The following LUC7L variants were observed in gnomAD, a reference collection of about 807,000 sequenced individuals.
LUC7L encodes the protein LUC7 like, also known as putative RNA-binding protein Luc7-like 1.
LUC7L carries 29 observed loss-of-function variants against 51.1 expected under a neutral mutation model. The observed-to-expected ratio is 0.57, with a 90% CI of 0.42 to 0.77. The LOEUF is 0.77. Ranked by LOEUF, LUC7L falls within the 30% of genes least tolerant of loss-of-function variation. LUC7L has a pLI of 0.00. For synonymous variants in LUC7L, 181 were observed against 180.7 expected, an observed-to-expected ratio of 1.00 and a Z score of -0.01; for missense variants, 403 against 511.9, an observed-to-expected ratio of 0.79 and a Z score of 2.05.
chr16:215,751 C>T (rs937498900), intron 3 of LUC7L, among the ~76,000 whole-genome samples: 1 of 151,936 alleles, frequency 6.6e-6, no homozygotes, highest in East Asian at 1.9e-4. Flanking sequence ...GGCAGTGAGC[C>T]GAGATCATGC....
chr16:206,890 T>TAAAAAAA (rs67775388), intron 4 of LUC7L, among the ~76,000 whole-genome samples: 3 of 99,568 alleles, frequency 3.0e-5, no homozygotes, highest in Non-Finnish European at 3.8e-5. Context: ...CCATCTTTAT[T>TAAAAAAA]AAAAAAAAAA....
Position 221,230 on chromosome 16 carries a change from G to C in LUC7L, c.157-483C>G, listed in dbSNP as rs113530871. ...TTTTTTTTTTTTGTATTTTCAGTAG[G>C]GACAGGGTTTCGCCACGTTGGCCAG... On this transcript the variant is annotated intron_variant, in intron 2 of 9. Transcript: ENST00000293872. Among the ~76,000 whole-genome samples the C allele has an allele frequency of 1.1e-3, 145 of 133,188 alleles. 1 individual carries two copies. The highest frequency in any genetic ancestry group is 3.7e-3 in the African/African-American group (138 of 36,810). 87.4% of individuals were successfully genotyped at this position (133,188 alleles called of 152,430 possible). A position where few individuals can be genotyped will look rare whatever the true frequency, so the allele number is the denominator to read the frequency against.
At chr16:196,550 CAA>C (rs1249319375) in intron 6 of LUC7L, among the ~76,000 whole-genome samples, 1 of 151,866 alleles carries the variant, frequency 6.6e-6, no homozygotes, top group Non-Finnish European at 1.5e-5. Flanking sequence ...TTCTTTAAGA[CAA>C]AGTCTCACTC....
chr16:201,710 A>AT (rs1210908398), intron 5 of LUC7L, among the ~76,000 whole-genome samples: 1 of 135,844 alleles, frequency 7.4e-6, no homozygotes, highest in Non-Finnish European at 1.6e-5. Flanking sequence ...AAGTGATGGG[A>AT]TTACAGGCGT....
Position 229,356 on chromosome 16 carries a change from G to A in LUC7L, c.-17C>T, listed in dbSNP as rs192508401. ...GGCGGACATGGTAGCCGGCGGAGGC[G>A]ACGGGGTCGGCCGCGACGACTTCTC... On this transcript the variant is annotated 5_prime_UTR_variant, in exon 1 of 10. Transcript: ENST00000293872. The A allele has an allele frequency of 1.3e-3, 1,927 of 1,493,410 alleles. 29 individuals carry two copies. The African/African-American group carries it at 0.025, about 19-fold the overall frequency. The allele number at this position is 1,493,410 out of a possible 1,614,324, so 92.5% of individuals were successfully genotyped here.
chr16:205,629 G>A (rs527417694), intron 5 of LUC7L, among the ~76,000 whole-genome samples: 9 of 152,160 alleles, frequency 5.9e-5, no homozygotes, highest in Admixed American at 3.9e-4. Flanking sequence ...TCGCTCTGTC[G>A]CCCAGGCTGG....
chr16:227,169 C>A, intron 2 of LUC7L, 73 bp downstream of exon 2: 1 of 1,252,700 alleles, frequency 8.0e-7, no homozygotes, highest in Non-Finnish European at 1.1e-6. Context: ...CAAAATTCAA[C>A]ATAGAAAAAC....
intron 6 of LUC7L, among the ~76,000 whole-genome samples, chr16:196,565 T>C (rs1049601456): frequency 6.6e-6 from 1 of 152,148 alleles, no homozygotes; most frequent in Admixed American, 6.6e-5. Flanking sequence ...TCTCACTCTG[T>C]TGCCCAGGCT....
At chr16:190,165 A>G (rs766366226) in intron 8 of LUC7L, 30 bp from the exon 9 acceptor site, 1 of 1,587,048 alleles carries the variant, frequency 6.3e-7, no homozygotes, top group Admixed American at 1.7e-5. Flanking sequence ...CAAGGCTGAG[A>G]CTCTATAGGT....
At chr16:221,470 G>A (rs1446195707) in intron 2 of LUC7L, among the ~76,000 whole-genome samples, 1 of 152,028 alleles carries the variant, frequency 6.6e-6, no homozygotes, top group Non-Finnish European at 1.5e-5. Context: ...GGGAGGGTGA[G>A]GCAGGCGGAT....
intron 4 of LUC7L, 149 bp from the exon 5 acceptor site, chr16:206,296 G>A (rs567734161): frequency 2.7e-5 from 20 of 737,398 alleles, no homozygotes; most frequent in Admixed American, 1.2e-4. Context: ...CTTACTGCCA[G>A]CATTGAGACT....
At chr16:202,375 C>A (rs985923506) in intron 5 of LUC7L, among the ~76,000 whole-genome samples, 5 of 152,156 alleles carry the variant, frequency 3.3e-5, no homozygotes, top group Non-Finnish European at 5.9e-5. Flanking sequence ...TCCCACTAGA[C>A]CCCACCTCCA....
At chr16:205,070 A>G (rs9932914) in intron 5 of LUC7L, among the ~76,000 whole-genome samples, 3,782 of 152,322 alleles carry the variant, frequency 0.025, 169 homozygotes, top group African/African-American at 0.085. Flanking sequence ...TACAGTACCT[A>G]TTACAGTTAT....
intron 3 of LUC7L, among the ~76,000 whole-genome samples, chr16:219,693 A>C (rs2049911680): frequency 6.6e-6 from 1 of 151,890 alleles, no homozygotes. Flanking sequence ...ATCAACATGG[A>C]GAAACACCAT....
chr16:225,486 C>CT (rs1172177139), intron 2 of LUC7L, among the ~76,000 whole-genome samples: 36,342 of 99,364 alleles, frequency 0.37, 7,827 homozygotes, highest in Non-Finnish European at 0.43. Context: ...AACTCCGTCT[C>CT]TTTTTTTTTT....
rs766248436 is a variant in LUC7L, at chr16:206,110, T to G, written c.404A>C (p.Lys135Thr). The G allele has an allele frequency of 6.2e-7, 1 of 1,613,852 alleles. No homozygotes were observed. ...TAGCTGTTCGGCTTTAGCAAGGAGT[T>G]TTCCTATTTCTTCATTTAACTCATG... Reference protein sequence around the residue: ...KVHELNEEIGKLLAKAEQLGA... With the variant: ...KVHELNEEIGTLLAKAEQLGA... Residue 135 changes from lysine to threonine, a missense_variant, in exon 5 of 10, where the codon AAA becomes ACA. Physicochemically the swap from Lys to Thr is moderately conservative, Grantham distance 78. Around this residue, in one of 3 missense-constraint regions of LUC7L, gnomAD observed 182 missense variants for 248.4 expected, o/e 0.73. Transcript: ENST00000293872.
At chr16:223,294 A>T (rs1450876975) in intron 2 of LUC7L, among the ~76,000 whole-genome samples, 3 of 151,940 alleles carry the variant, frequency 2.0e-5, no homozygotes, top group Non-Finnish European at 4.4e-5. Flanking sequence ...GCTTGCAGTG[A>T]GTCAAGATCG....
intron 5 of LUC7L, among the ~76,000 whole-genome samples, chr16:204,090 T>C (rs893042251): frequency 6.6e-6 from 1 of 151,854 alleles, no homozygotes; most frequent in Non-Finnish European, 1.5e-5. Flanking sequence ...AATATTTAGG[T>C]AGAAATCTAA....
At position 227,742 on chromosome 16, in the gene LUC7L, A is replaced by C. The variant is rs1367808867; in HGVS notation, c.62-406T>G. The C allele has an allele frequency of 4.9e-6, 5 of 1,010,948 alleles. No homozygotes were observed. The East Asian group carries it at 4.7e-4, about 95-fold the overall frequency. The allele number at this position is 1,010,948 out of a possible 1,614,324, so 62.6% of individuals were successfully genotyped here. On this transcript the variant is annotated intron_variant, in intron 1 of 9. Coordinates refer to ENST00000293872, the MANE Select transcript of LUC7L (RefSeq NM_201412.3). ...ACCAACAAAAGCTACTTATTAATCT[A>C]ATCTTTTTGTTATGAACAAATGCAG...
Sources: gnomAD v4.1 joint callset for allele counts (sites outside exome capture counted in the v4.1 genomes callset) on GRCh38, gnomAD v4.1.1 for gene constraint, gnomAD v4.1.1 regional missense constraint, MANE v1.5 for transcripts, NCBI Gene and HGNC (gene_info 2026-07-23, HGNC 2026-07-21) for gene names.